CSMD1: variants seen among roughly 807,000 people sequenced by gnomAD.
CSMD1 encodes the protein CUB and Sushi multiple domains 1, also known as CUB and sushi domain-containing protein 1.
In CSMD1, 213 loss-of-function variants were observed where a neutral mutation model predicts 417.5. That is an observed-to-expected ratio of 0.51 (90% CI 0.46 to 0.57). CSMD1 has a LOEUF of 0.57. Ranked by LOEUF, CSMD1 falls within the 20% of genes least tolerant of loss-of-function variation. The probability of loss-of-function intolerance (pLI) is 0.00; values close to 1 mark genes in which losing one functional copy is unlikely to be tolerated. For synonymous variants in CSMD1, 2,862 were observed against 1,736.8 expected, an observed-to-expected ratio of 1.65 and a Z score of -16.11; for missense variants, 6,923 against 4,529.7, an observed-to-expected ratio of 1.53 and a Z score of -15.17.
At chr8:4,480,233 A>C (rs1322875507) in intron 2 of CSMD1, among the ~76,000 whole-genome samples, 1 of 151,644 alleles carries the variant, frequency 6.6e-6, no homozygotes, top group Non-Finnish European at 1.5e-5. Flanking sequence ...TTACTGCTGT[A>C]AGGAAAAAGC....
chr8:4,044,717 G>C (rs374778550), intron 3 of CSMD1, among the ~76,000 whole-genome samples: 7 of 25,868 alleles, frequency 2.7e-4, no homozygotes, highest in Non-Finnish European at 5.4e-4. Context: ...TGGATGCATA[G>C]CACCCTGGAC....
chr8:4,825,179 A>C (rs1490154844), intron 1 of CSMD1, among the ~76,000 whole-genome samples: 1 of 152,136 alleles, frequency 6.6e-6, no homozygotes, highest in Non-Finnish European at 1.5e-5. Context: ...GACTTATCTG[A>C]CATTTTTGAA....
chr8:3,538,549 C>G (rs572425403), intron 10 of CSMD1, among the ~76,000 whole-genome samples: 1 of 152,392 alleles, frequency 6.6e-6, no homozygotes, highest in East Asian at 1.9e-4. Flanking sequence ...CGATGCCGCA[C>G]TTGAGCTGGC....
chr8:4,320,739 T>G (rs1799225287), intron 3 of CSMD1, among the ~76,000 whole-genome samples: 1 of 152,188 alleles, frequency 6.6e-6, no homozygotes, highest in African/African-American at 2.4e-5. Context: ...TGCCACATTT[T>G]ATTTACCCAG....
chr8:3,083,934 G>A (rs1277345070), intron 49 of CSMD1, among the ~76,000 whole-genome samples: 1 of 151,758 alleles, frequency 6.6e-6, no homozygotes, highest in Non-Finnish European at 1.5e-5. Context: ...AAGATGCTTG[G>A]AATACAGGTG....
intron 10 of CSMD1, among the ~76,000 whole-genome samples, chr8:3,560,398 G>C (rs1563154787): frequency 6.6e-6 from 1 of 152,148 alleles, no homozygotes; most frequent in Non-Finnish European, 1.5e-5. Flanking sequence ...GAATTTCAGT[G>C]TCTTTTCTAA....
At chr8:4,191,343 C>T (rs561972487) in intron 3 of CSMD1, among the ~76,000 whole-genome samples, 7 of 152,074 alleles carry the variant, frequency 4.6e-5, no homozygotes, top group Admixed American at 1.3e-4. Flanking sequence ...CTGCAGTGAG[C>T]AGAGATCGCG....
At chr8:4,158,469 C>T (rs1431544219) in intron 3 of CSMD1, among the ~76,000 whole-genome samples, 1 of 152,110 alleles carries the variant, frequency 6.6e-6, no homozygotes, top group Non-Finnish European at 1.5e-5. Context: ...CTAATACAGC[C>T]GCTAGTGCAG....
In CSMD1 at chr8:3,468,713, T is replaced by A; in HGVS notation, c.1560A>T (p.Gln520His). The A allele has an allele frequency of 6.3e-7, 1 of 1,591,104 alleles. No homozygotes were observed. The highest frequency in any genetic ancestry group is 1.3e-5 in the African/African-American group (1 of 74,720). The change falls in exon 12 of 70, where the codon CAA (glutamine) becomes CAT (histidine). Residue 520 changes from glutamine (Q) to histidine (H), a missense_variant and splice_region_variant. By Grantham distance (24) the Gln-to-His change is conservative. Transcript: ENST00000635120. ...IGSPGFKAVY[Q>H]EIEKGGCGDP... ...CTGTGAAGTGTAATCTCATCATACC[T>A]TGGTAAACAGCTTTAAACCCAGGTG...
intron 3 of CSMD1, among the ~76,000 whole-genome samples, chr8:4,365,398 A>C (rs1038680645): frequency 4.6e-5 from 7 of 152,196 alleles, no homozygotes; most frequent in African/African-American, 1.7e-4. Context: ...TGTTCTTTTT[A>C]AATGTTAATT....
intron 3 of CSMD1, among the ~76,000 whole-genome samples, chr8:4,304,914 G>T (rs1447025425): frequency 6.6e-6 from 1 of 152,032 alleles, no homozygotes; most frequent in Non-Finnish European, 1.5e-5. Context: ...AAGGTGTAAC[G>T]ATGAGATGAT....
intron 1 of CSMD1, among the ~76,000 whole-genome samples, chr8:4,839,077 TG>T (rs1201697525): frequency 6.6e-6 from 1 of 152,202 alleles, no homozygotes; most frequent in Non-Finnish European, 1.5e-5. Flanking sequence ...ATTTCTGACC[TG>T]GTATTTTACT....
chr8:3,664,468 G>A (rs978508605), intron 7 of CSMD1, among the ~76,000 whole-genome samples: 3 of 152,208 alleles, frequency 2.0e-5, no homozygotes, highest in African/African-American at 4.8e-5. Flanking sequence ...GAAAGCATAG[G>A]CAGCTCAATG....
Position 4,820,701 on chromosome 8 carries a change from G to T in CSMD1, c.85+173631C>A, listed in dbSNP as rs113919277. 2.0e-4 allele frequency among the ~76,000 whole-genome samples: 30 copies of T among 152,194 alleles called. 1 individual carries two copies. Among genetic ancestry groups the T allele is most frequent in the African/African-American group, 7.0e-4 (29 of 41,544 alleles). On this transcript the variant is annotated intron_variant, in intron 1 of 69. Transcript: ENST00000635120. Reference sequence around the variant, plus strand: ...ATGGCTGTATCATTTCCTTAACAAGGCTGCATAGCTCATGGACTAATAAGG... The same window carrying T: ...ATGGCTGTATCATTTCCTTAACAAGTCTGCATAGCTCATGGACTAATAAGG...
At chr8:4,119,670 G>C (rs146370319) in intron 3 of CSMD1, among the ~76,000 whole-genome samples, 37 of 152,302 alleles carry the variant, frequency 2.4e-4, no homozygotes, top group African/African-American at 8.9e-4. Flanking sequence ...ACACTTGCAA[G>C]CCAGGAAGAG....
chr8:3,601,866 G>A (rs572129700), intron 8 of CSMD1, among the ~76,000 whole-genome samples: 1 of 152,268 alleles, frequency 6.6e-6, no homozygotes, highest in East Asian at 1.9e-4. Context: ...ATGTGTTGAA[G>A]CAAAGGAGAG....
At chr8:3,314,498 TTAAAA>T (rs1209691360) in intron 23 of CSMD1, among the ~76,000 whole-genome samples, 1 of 152,170 alleles carries the variant, frequency 6.6e-6, no homozygotes, top group Non-Finnish European at 1.5e-5. Flanking sequence ...TCTAGAAACT[TTAAAA>T]AAGACTAAAT....
At chr8:4,662,840 G>A (rs1375866767) in intron 1 of CSMD1, among the ~76,000 whole-genome samples, 2 of 152,156 alleles carry the variant, frequency 1.3e-5, no homozygotes, top group Admixed American at 1.3e-4. Flanking sequence ...CATTGTGGCA[G>A]GACACTTGTC....
intron 18 of CSMD1, among the ~76,000 whole-genome samples, chr8:3,381,923 C>G (rs893239156): frequency 4.6e-5 from 7 of 152,096 alleles, no homozygotes; most frequent in Admixed American, 4.6e-4. Context: ...TGCATATACA[C>G]AACATGCATT....
Sources: gnomAD v4.1 joint callset for allele counts (sites outside exome capture counted in the v4.1 genomes callset) on GRCh38, gnomAD v4.1.1 for gene constraint, MANE v1.5 for transcripts, NCBI Gene and HGNC (gene_info 2026-07-23, HGNC 2026-07-21) for gene names.